DST: variants seen among roughly 807,000 people sequenced by gnomAD.
The protein encoded by DST is dystonin, also known as bullous pemphigoid antigen.
A neutral mutation model predicts 875.2 loss-of-function variants in DST; 253 were observed. That is an observed-to-expected ratio of 0.29 (90% CI 0.26 to 0.32). The LOEUF (loss-of-function observed/expected upper bound fraction) is 0.32, where lower values mean the gene tolerates loss of function less well. DST is among the 10% of genes least tolerant of loss of function. The pLI is 1.00. For synonymous variants in DST, 3,124 were observed against 3,197.1 expected, an observed-to-expected ratio of 0.98 and a Z score of 0.77; for missense variants, 8,287 against 9,111.6, an observed-to-expected ratio of 0.91 and a Z score of 3.68.
At chr6:56,943,380 T>TAA (rs35607710) in intron 2 of DST, among the ~76,000 whole-genome samples, 256 of 143,314 alleles carry the variant, frequency 1.8e-3, no homozygotes, top group Middle Eastern at 0.011. Context: ...TCCTTTAAAT[T>TAA]AAAAAAAAAA....
chr6:56,736,118 G>A (rs932904617), intron 4 of DST, among the ~76,000 whole-genome samples: 1 of 152,094 alleles, frequency 6.6e-6, no homozygotes, highest in Admixed American at 6.6e-5. Flanking sequence ...TCGAACCCCT[G>A]ACTTCAAGTG....
Position 56,520,700 on chromosome 6 carries a change from ATAAAAAT to A in DST, c.18130-3087_18130-3081del, listed in dbSNP as rs375948016. Among the ~76,000 whole-genome samples, 955 of 152,108 alleles carry A rather than the reference ATAAAAAT, an allele frequency of 6.3e-3. 5 individuals are homozygous for A. The highest frequency in any genetic ancestry group is 0.022 in the African/African-American group (921 of 41,546). Reference sequence around the variant, plus strand: ...AAATATACACATCTACTATGTGTCCATAAAAATTAAAAATTAAAAGAAAATATATTAA... The same window carrying A: ...AAATATACACATCTACTATGTGTCCATAAAAATTAAAAGAAAATATATTAA... On this transcript the variant is annotated intron_variant, in intron 69 of 103. Coordinates refer to ENST00000680361, the MANE Select transcript of DST (RefSeq NM_001374736.1).
chr6:56,470,421 T>C (rs2094825529), intron 95 of DST, 139 bp from the exon 96 acceptor site: 1 of 586,428 alleles, frequency 1.7e-6, no homozygotes, highest in African/African-American at 1.9e-5. Context: ...AAAAAACTGA[T>C]TTACATCACA....
At chr6:56,685,699 G>T (rs924331465) in intron 9 of DST, among the ~76,000 whole-genome samples, 2 of 152,112 alleles carry the variant, frequency 1.3e-5, no homozygotes, top group East Asian at 1.9e-4. Context: ...TTGAAGAGCA[G>T]AGATCACGCC....
Position 56,918,880 on chromosome 6 carries a change from T to C in DST, c.217-18259A>G, listed in dbSNP as rs115808205. 6.6e-3 allele frequency among the ~76,000 whole-genome samples: 998 copies of C among 152,164 alleles called. 11 individuals carry two copies. The highest frequency in any genetic ancestry group is 0.023 in the African/African-American group (960 of 41,502). On this transcript the variant is annotated intron_variant, in intron 2 of 103. Coordinates refer to ENST00000680361, the MANE Select transcript of DST (RefSeq NM_001374736.1). ...CTGCACTCCAGCCTGGGTGACGGAG[T>C]GAGTTTGAATTTGCGTTATTTATTA...
chr6:56,781,285 G>A (rs1183321576), intron 4 of DST, among the ~76,000 whole-genome samples: 2 of 152,106 alleles, frequency 1.3e-5, no homozygotes, highest in South Asian at 2.1e-4. Context: ...TGATGGGGAT[G>A]GCATTGAATC....
chr6:56,834,418 G>A (rs1224308955), intron 4 of DST, among the ~76,000 whole-genome samples: 1 of 152,100 alleles, frequency 6.6e-6, no homozygotes, highest in Non-Finnish European at 1.5e-5. Context: ...CCAATATGGT[G>A]AAACTCCATC....
chr6:56,763,280 C>G (rs1418712808), intron 4 of DST, among the ~76,000 whole-genome samples: 1 of 152,182 alleles, frequency 6.6e-6, no homozygotes, highest in Non-Finnish European at 1.5e-5. Flanking sequence ...CATGCCTTCT[C>G]TTCCTGATCA....
chr6:56,555,253 T>G, intron 60 of DST, 92 bp downstream of exon 60: 1 of 1,381,050 alleles, frequency 7.2e-7, no homozygotes, highest in East Asian at 2.3e-5. Context: ...AGAGTCTCTT[T>G]GGGGTCCTGG....
At chr6:56,513,017 T>C (rs73749948) in intron 72 of DST, among the ~76,000 whole-genome samples, 5,367 of 152,268 alleles carry the variant, frequency 0.035, 117 homozygotes, top group Non-Finnish European at 0.043. Context: ...GATAATCTCA[T>C]GGAAAAGGAA....
intron 4 of DST, among the ~76,000 whole-genome samples, chr6:56,802,433 T>G (rs1180540651): frequency 6.6e-6 from 1 of 152,076 alleles, no homozygotes; most frequent in East Asian, 1.9e-4. Flanking sequence ...TAATAAATAT[T>G]TTTGTTTGGG....
At chr6:56,872,846 C>T (rs5020615) in intron 3 of DST, among the ~76,000 whole-genome samples, 36,784 of 99,150 alleles carry the variant, frequency 0.37, 6,968 homozygotes, top group African/African-American at 0.6. Context: ...TTTTTTTTTT[C>T]GGATATATAC....
intron 4 of DST, among the ~76,000 whole-genome samples, chr6:56,819,787 A>G (rs1182812326): frequency 6.6e-6 from 1 of 152,224 alleles, no homozygotes; most frequent in Non-Finnish European, 1.5e-5. Flanking sequence ...CTTGCCTTCA[A>G]TGTTTACTGG....
rs1213329111 is a variant in DST, at chr6:56,482,104, A to G, written c.21477T>C (p.His7159=). Residue 7159 remains histidine, a synonymous_variant, in exon 90 of 104, where the codon CAT becomes CAC. Coordinates refer to ENST00000680361, the MANE Select transcript of DST (RefSeq NM_001374736.1). ...LAEAEQTLRF[H]GVLPDDEDAL... ...CATCCTCATCATCTGGGAGGACACC[A>G]TGGAAACGCAGGGTTTGCTCCGCCT... The G allele has an allele frequency of 6.2e-7, 1 of 1,613,794 alleles. No individual in the cohort carries two copies. The highest frequency in any genetic ancestry group is 8.5e-7 in the Non-Finnish European group (1 of 1,179,810).
chr6:56,931,048 G>T (rs1809946084), intron 2 of DST, among the ~76,000 whole-genome samples: 1 of 152,204 alleles, frequency 6.6e-6, no homozygotes, highest in African/African-American at 2.4e-5. Context: ...GTCATTTATA[G>T]CCTGGCATAA....
intron 3 of DST, among the ~76,000 whole-genome samples, chr6:56,852,832 A>G (rs28360570): frequency 0.18 from 27,239 of 152,204 alleles, 2,735 homozygotes; most frequent in African/African-American, 0.23. Flanking sequence ...TCAGTGAGGC[A>G]TGCTCCAATT....
intron 36 of DST, 86 bp downstream of exon 36, chr6:56,624,444 C>T: frequency 1.2e-6 from 1 of 844,968 alleles, no homozygotes; most frequent in Non-Finnish European, 2.0e-6. Flanking sequence ...TATCATGAAA[C>T]ATGTTTTGCT....
intron 10 of DST, among the ~76,000 whole-genome samples, chr6:56,661,883 C>T (rs1039429201): frequency 2.0e-5 from 3 of 152,216 alleles, no homozygotes; most frequent in East Asian, 1.9e-4. Flanking sequence ...TCACCGCGCC[C>T]GGCCGACCCT....
intron 4 of DST, among the ~76,000 whole-genome samples, chr6:56,760,555 G>C (rs2099614773): frequency 6.6e-6 from 1 of 152,132 alleles, no homozygotes; most frequent in African/African-American, 2.4e-5. Context: ...TCAGGCCATA[G>C]ATAAAGGCAT....
Sources: allele counts gnomAD v4.1 joint callset (sites outside exome capture counted in the v4.1 genomes callset), GRCh38; gene constraint gnomAD v4.1.1; transcripts MANE v1.5; gene names NCBI Gene and HGNC (gene_info 2026-07-23, HGNC 2026-07-21).